Variants in ETFA observed in about 807,000 individuals in gnomAD.
ETFA encodes electron transfer flavoprotein subunit alpha, also known as electron transfer flavoprotein subunit alpha, mitochondrial.
ETFA carries 22 observed loss-of-function variants against 46.2 expected under a neutral mutation model. That is an observed-to-expected ratio of 0.48 (90% CI 0.34 to 0.68). The LOEUF (loss-of-function observed/expected upper bound fraction) is 0.68, where lower values mean the gene tolerates loss of function less well. Among genes scored for constraint, ETFA ranks in the 30% least tolerant of loss-of-function variants. The pLI is 0.01. For synonymous variants in ETFA, 131 were observed against 139.9 expected (o/e 0.94, Z 0.45); for missense variants, 345 against 401.1 (o/e 0.86, Z 1.19).
chr15:76,261,016 T>G, intron 9 of ETFA: 1 of 1,608,598 alleles, frequency 6.2e-7, no homozygotes, highest in South Asian at 1.1e-5. Flanking sequence ...GTCACGGTGA[T>G]GTTGAAGGGG....
chr15:76,228,131 G>C, intron 10 of ETFA: 1 of 368,380 alleles, frequency 2.7e-6, no homozygotes, highest in Non-Finnish European at 5.3e-6. Flanking sequence ...CACTTAGTCA[G>C]ACATCTGGGA....
At chr15:76,275,947 C>G (rs1170281635) in intron 8 of ETFA, among the ~76,000 whole-genome samples, 1 of 152,132 alleles carries the variant, frequency 6.6e-6, no homozygotes, top group Non-Finnish European at 1.5e-5. Context: ...AATTGTAATA[C>G]ATGAGCATAT....
At chr15:76,268,412 C>T (rs551815333) in intron 9 of ETFA, among the ~76,000 whole-genome samples, 28 of 152,208 alleles carry the variant, frequency 1.8e-4, no homozygotes, top group African/African-American at 6.0e-4. Context: ...GAAGACGGAA[C>T]GAGGACCAAC....
intron 5 of ETFA, 192 bp downstream of exon 5, chr15:76,287,654 T>A (rs1167186366): frequency 1.1e-5 from 6 of 531,938 alleles, no homozygotes; most frequent in African/African-American, 9.6e-5. Context: ...AATCTCTGTG[T>A]TTGCGATCCA....
At chr15:76,259,668 C>T (rs574955632) in intron 9 of ETFA, 12 of 986,280 alleles carry the variant, frequency 1.2e-5, no homozygotes, top group South Asian at 6.4e-5. Context: ...ATAGTAGCCC[C>T]GCTGTAGATC....
chr15:76,273,611 C>A (rs2039562968), intron 9 of ETFA, among the ~76,000 whole-genome samples: 1 of 151,300 alleles, frequency 6.6e-6, no homozygotes, highest in Non-Finnish European at 1.5e-5. Context: ...AAAAAATAAG[C>A]CTTGAAAATG....
chr15:76,242,491 C>T lies in ETFA; in HGVS notation c.817-11093G>A, dbSNP rs188202873. Among the ~76,000 whole-genome samples the T allele has an allele frequency of 1.2e-4, 18 of 152,242 alleles. No individual in the cohort carries two copies. The East Asian group carries it at 3.3e-3, about 28-fold the overall frequency. On this transcript the variant is annotated intron_variant, in intron 9 of 11. Coordinates refer to ENST00000557943, the MANE Select transcript of ETFA (RefSeq NM_000126.4). ...CCAGAGGAAACCAATTTGAAGGTTC[C>T]TCAAAAAGTTACACATAGAACTACC... is the stretch of plus-strand genomic sequence containing the variant.
intron 9 of ETFA, among the ~76,000 whole-genome samples, chr15:76,264,854 T>G (rs1057496603): frequency 6.6e-6 from 1 of 152,136 alleles, no homozygotes; most frequent in South Asian, 2.1e-4. Context: ...AATGTAGAAA[T>G]GGAAATCAAA....
chr15:76,237,583 C>T (rs2039139155), intron 9 of ETFA, among the ~76,000 whole-genome samples: 1 of 152,146 alleles, frequency 6.6e-6, no homozygotes, highest in Non-Finnish European at 1.5e-5. Context: ...GGCTCAACTG[C>T]TGTTATGTGT....
At chr15:76,285,536 A>G in intron 7 of ETFA, 101 bp downstream of exon 7, 1 of 730,638 alleles carries the variant, frequency 1.4e-6, no homozygotes, top group Non-Finnish European at 2.4e-6. Context: ...AACTTCTTAC[A>G]TTTGAAAAAG....
At chr15:76,269,703 C>T (rs1312600292) in intron 9 of ETFA, among the ~76,000 whole-genome samples, 1 of 152,162 alleles carries the variant, frequency 6.6e-6, no homozygotes, top group Non-Finnish European at 1.5e-5. Context: ...ATCATCTTAA[C>T]AGATGCAGAA....
At chr15:76,227,580 G>A (rs2039017343) in intron 10 of ETFA, 1 of 306,686 alleles carries the variant, frequency 3.3e-6, no homozygotes, top group African/African-American at 2.3e-5. Flanking sequence ...TAGTTTATCA[G>A]TACAAATAGT....
At chr15:76,243,798 C>CA (rs1567201412) in intron 9 of ETFA, among the ~76,000 whole-genome samples, 1 of 127,766 alleles carries the variant, frequency 7.8e-6, no homozygotes, top group African/African-American at 2.7e-5. Flanking sequence ...GACTCTGTCT[C>CA]AAAAAAACAA....
intron 1 of ETFA, 142 bp downstream of exon 1, chr15:76,311,208 G>T: frequency 1.0e-6 from 1 of 979,550 alleles, no homozygotes; most frequent in South Asian, 1.5e-5. Flanking sequence ...CAGAACTTTG[G>T]ACCCAAGTCC....
chr15:76,291,025 GC>G (rs2039756024), intron 4 of ETFA, among the ~76,000 whole-genome samples: 1 of 152,136 alleles, frequency 6.6e-6, no homozygotes, highest in Non-Finnish European at 1.5e-5. Context: ...AGACAAGCCC[GC>G]ACAACATAGG....
At chr15:76,231,768 G>A (rs1409804482) in intron 9 of ETFA, among the ~76,000 whole-genome samples, 1 of 152,040 alleles carries the variant, frequency 6.6e-6, no homozygotes, top group Non-Finnish European at 1.5e-5. Context: ...CATACATGCT[G>A]TACATACCCA....
intron 1 of ETFA, among the ~76,000 whole-genome samples, chr15:76,307,551 A>G (rs2469211): frequency 1.3e-5 from 2 of 150,854 alleles, no homozygotes; most frequent in South Asian, 2.1e-4. Flanking sequence ...CAGTGGTGCT[A>G]CCTGGGCTCA....
At chr15:76,303,625 C>T (rs2039904888) in intron 1 of ETFA, among the ~76,000 whole-genome samples, 1 of 152,088 alleles carries the variant, frequency 6.6e-6, no homozygotes, top group Non-Finnish European at 1.5e-5. Flanking sequence ...AAGCAAAAAA[C>T]AACCCTATTA....
At chr15:76,294,491 TAGAC>T (rs765656587) in intron 2 of ETFA, among the ~76,000 whole-genome samples, 26 of 152,204 alleles carry the variant, frequency 1.7e-4, no homozygotes, top group Admixed American at 1.2e-3. Context: ...TGTAAAAAAT[TAGAC>T]AGAAGCAACA....
Sources: allele counts gnomAD v4.1 joint callset (sites outside exome capture counted in the v4.1 genomes callset), GRCh38; gene constraint gnomAD v4.1.1; transcripts MANE v1.5; gene names NCBI Gene and HGNC (gene_info 2026-07-23, HGNC 2026-07-21).